ARF3: variants seen among roughly 807,000 people sequenced by gnomAD.
ARF3 encodes ADP-ribosylation factor 3.
A neutral mutation model predicts 19.3 loss-of-function variants in ARF3; 5 were observed. The observed-to-expected ratio is 0.26, with a 90% CI of 0.14 to 0.54. The LOEUF is 0.54. ARF3 is among the 20% of genes least tolerant of loss of function. The pLI, the probability that ARF3 is intolerant of heterozygous loss-of-function variation, is 0.95. For missense variants in ARF3, 77 were observed against 234.2 expected (o/e 0.33, Z 4.38); for synonymous variants, 71 against 89.2 (o/e 0.80, Z 1.15).
At chr12:48,950,661 G>A (rs1940449351) in intron 1 of ARF3, among the ~76,000 whole-genome samples, 1 of 151,972 alleles carries the variant, frequency 6.6e-6, no homozygotes, top group South Asian at 2.1e-4. Context: ...CTGTTAAACA[G>A]AGGATCCCCA....
intron 1 of ARF3, chr12:48,956,028 C>T (rs532849853): frequency 1.3e-5 from 2 of 152,320 alleles, no homozygotes. Context: ...TCCCAAGTCA[C>T]GGCAAGTGGA....
At chr12:48,948,526 G>A (rs1201180280) in intron 1 of ARF3, among the ~76,000 whole-genome samples, 13 of 152,066 alleles carry the variant, frequency 8.5e-5, no homozygotes, top group Admixed American at 8.5e-4. Flanking sequence ...AAAGTGAAGA[G>A]TACAGGCAAG....
chr12:48,947,892 C>T (rs1473005140), intron 1 of ARF3, among the ~76,000 whole-genome samples: 1 of 151,946 alleles, frequency 6.6e-6, no homozygotes, highest in East Asian at 1.9e-4. Context: ...GGGAGTTGGG[C>T]AGGGGAAGTG....
At chr12:48,953,497 C>T (rs1373370068) in intron 1 of ARF3, among the ~76,000 whole-genome samples, 1 of 152,108 alleles carries the variant, frequency 6.6e-6, no homozygotes, top group Non-Finnish European at 1.5e-5. Context: ...GAAGTTTAAG[C>T]ATTCACGCTT....
intron 1 of ARF3, among the ~76,000 whole-genome samples, chr12:48,951,001 G>C (rs898146943): frequency 7.9e-5 from 12 of 151,904 alleles, no homozygotes; most frequent in Admixed American, 3.9e-4. Flanking sequence ...TGGTCAGGCT[G>C]GTCTCGAACT....
intron 1 of ARF3, among the ~76,000 whole-genome samples, chr12:48,948,144 G>T (rs1464430500): frequency 6.6e-6 from 1 of 151,682 alleles, no homozygotes; most frequent in Admixed American, 6.6e-5. Flanking sequence ...AGTTGTGGCT[G>T]CAGTGAGCCA....
rs1183094088 is a variant in ARF3, at chr12:48,937,285, T to G, written c.*1662A>C. The stretch of plus-strand genomic sequence containing the variant: ...CTGGGAAGGGGTCCCTCAGCCATGC[T>G]GTGGGGGGCCCTGGGCCCTGACCTT... On this transcript the variant is annotated 3_prime_UTR_variant, in exon 5 of 5. Transcript: ENST00000256682. 1.3e-5 allele frequency: 2 copies of G among 152,246 alleles called. No individual in the cohort carries two copies. Among genetic ancestry groups the G allele is most frequent in the African/African-American group, 2.4e-5 (1 of 41,454 alleles). 9.4% of individuals were successfully genotyped at this position (152,246 alleles called of 1,614,324 possible). A position where few individuals can be genotyped will look rare whatever the true frequency, so the allele number is the denominator to read the frequency against.
In ARF3 at chr12:48,938,639, C is replaced by A. The variant is rs1260512698; in HGVS notation, c.*308G>T. ...CAACCACTGCCAAACAAAGAGAATA[C>A]CCCACTCGACCTCCCGAAACCCAGA... On this transcript the variant is annotated 3_prime_UTR_variant, in exon 5 of 5. Coordinates refer to ENST00000256682, the MANE Select transcript of ARF3 (RefSeq NM_001659.3). The A allele has an allele frequency of 1.2e-5, 5 of 432,696 alleles. No homozygotes were observed. The East Asian group carries it at 1.8e-4, about 16-fold the overall frequency. The allele number at this position is 432,696 out of a possible 1,614,324, so 26.8% of individuals were successfully genotyped here.
intron 1 of ARF3, among the ~76,000 whole-genome samples, chr12:48,946,460 C>A (rs565283453): frequency 1.3e-5 from 2 of 152,178 alleles, no homozygotes; most frequent in East Asian, 3.9e-4. Flanking sequence ...TGTTGGATAC[C>A]AAGAATAAGC....
At chr12:48,952,868 T>G (rs1940493484) in intron 1 of ARF3, among the ~76,000 whole-genome samples, 1 of 152,252 alleles carries the variant, frequency 6.6e-6, no homozygotes, top group African/African-American at 2.4e-5. Flanking sequence ...AATGTGCCTC[T>G]AGTGCATTAC....
chr12:48,938,314 G>A lies in ARF3; in HGVS notation c.*633C>T. ...GTCAAAGACTGGGGCAGTCCGGCTT[G>A]ACTAATGCCCTCCCACCTTCTTCCC... On this transcript the variant is annotated 3_prime_UTR_variant, in exon 5 of 5. Coordinates refer to ENST00000256682, the MANE Select transcript of ARF3 (RefSeq NM_001659.3). 1 of 448,734 alleles carries A rather than the reference G, an allele frequency of 2.2e-6. No individual in the cohort carries two copies. Among genetic ancestry groups the A allele is most frequent in the South Asian group, 1.6e-5 (1 of 63,930 alleles). 27.8% of individuals were successfully genotyped at this position (448,734 alleles called of 1,614,324 possible).
chr12:48,941,322 C>T (rs1940253080), intron 1 of ARF3, 134 bp from the exon 2 acceptor site: 3 of 476,274 alleles, frequency 6.3e-6, no homozygotes, highest in South Asian at 5.8e-5. Flanking sequence ...ATACCAAGGC[C>T]CACTCAGATA....
chr12:48,956,605 G>A (rs1940571731), intron 1 of ARF3: 1 of 152,208 alleles, frequency 6.6e-6, no homozygotes, highest in Admixed American at 6.5e-5. Context: ...CCTCCTGTGA[G>A]ACCGCCCCCG....
chr12:48,953,322 A>G (rs1219553790), intron 1 of ARF3: 2 of 151,688 alleles, frequency 1.3e-5, no homozygotes, highest in African/African-American at 4.9e-5. Context: ...ATTATACCCC[A>G]CCCCCATTTT....
At chr12:48,956,268 C>G (rs1478339688) in intron 1 of ARF3, 1 of 152,334 alleles carries the variant, frequency 6.6e-6, no homozygotes, top group Non-Finnish European at 1.5e-5. Context: ...ACATTTCTCC[C>G]TCACCGGGAC....
chr12:48,942,441 T>G (rs553908562), intron 1 of ARF3, among the ~76,000 whole-genome samples: 2 of 152,028 alleles, frequency 1.3e-5, no homozygotes, highest in African/African-American at 2.4e-5. Context: ...ATAACCATCA[T>G]AGATTACTCC....
intron 2 of ARF3, 24 bp downstream of exon 2, chr12:48,940,924 C>T (rs1303018327): frequency 1.9e-6 from 3 of 1,542,460 alleles, no homozygotes; most frequent in African/African-American, 1.4e-5. Context: ...GGCGTGAAAG[C>T]CCACATCCAA....
chr12:48,953,979 T>G (rs1211719903), intron 1 of ARF3, among the ~76,000 whole-genome samples: 1 of 152,210 alleles, frequency 6.6e-6, no homozygotes, highest in Non-Finnish European at 1.5e-5. Flanking sequence ...TTATTAAGAT[T>G]GGACTAAATG....
chr12:48,948,269 T>C (rs1940396331), intron 1 of ARF3, among the ~76,000 whole-genome samples: 1 of 98,796 alleles, frequency 1.0e-5, no homozygotes, highest in African/African-American at 3.7e-5. Flanking sequence ...ATTTATATAA[T>C]CTTTTTTTTT....
Sources: gnomAD v4.1 joint callset for allele counts (sites outside exome capture counted in the v4.1 genomes callset) on GRCh38, gnomAD v4.1.1 for gene constraint, MANE v1.5 for transcripts, NCBI Gene and HGNC (gene_info 2026-07-23, HGNC 2026-07-21) for gene names.